Variants in MFSD6 observed in about 807,000 individuals in gnomAD.
The protein encoded by MFSD6 is major facilitator superfamily domain-containing protein 6.
Under a neutral mutation model 56.3 loss-of-function variants are expected in MFSD6, and 26 were observed. That is an observed-to-expected ratio of 0.46 (90% CI 0.34 to 0.64). MFSD6 has a LOEUF of 0.64. MFSD6 is among the 30% of genes least tolerant of loss of function. The pLI, the probability that MFSD6 is intolerant of heterozygous loss-of-function variation, is 0.01. For synonymous variants in MFSD6, 331 were observed against 366.9 expected (o/e 0.90, Z 1.12); for missense variants, 750 against 986.2 (o/e 0.76, Z 3.21).
chr2:190,439,826 C>G lies in MFSD6; in HGVS notation c.1532+2265C>G, dbSNP rs1312942102. 1.3e-5 allele frequency among the ~76,000 whole-genome samples: 2 copies of G among 152,146 alleles called. No individual in the cohort carries two copies. Among genetic ancestry groups the G allele is most frequent in the African/African-American group, 2.4e-5 (1 of 41,430 alleles). ...GTCCATTAAAATGTATTAATTATTT[C>G]AAGTGCTTTTAAAAGAGTCTGATAG... is the stretch of plus-strand genomic sequence containing the variant. On this transcript the variant is annotated intron_variant, in intron 3 of 7. Coordinates refer to ENST00000392328, the MANE Select transcript of MFSD6 (RefSeq NM_017694.4). The surrounding 1 kb of genome is among the most constrained non-coding windows in gnomAD (Gnocchi z 5.8).
intron 3 of MFSD6, among the ~76,000 whole-genome samples, chr2:190,450,042 AAAAG>A (rs774006578): frequency 3.9e-4 from 59 of 152,140 alleles, no homozygotes; most frequent in African/African-American, 6.3e-4. Flanking sequence ...AAAAAAAAGA[AAAAG>A]AAATCAAGAT....
intron 2 of MFSD6, among the ~76,000 whole-genome samples, chr2:190,430,596 T>C (rs1445136189): frequency 6.6e-6 from 1 of 152,132 alleles, no homozygotes; most frequent in Non-Finnish European, 1.5e-5. Flanking sequence ...AAGTCTCCCA[T>C]GTCTGCTTCT....
At chr2:190,408,707 C>T (rs1690416789) in intron 1 of MFSD6, among the ~76,000 whole-genome samples, 1 of 152,152 alleles carries the variant, frequency 6.6e-6, no homozygotes, top group Non-Finnish European at 1.5e-5. Context: ...CCCTCCCTCC[C>T]TCCCTCCCCC....
In MFSD6 at chr2:190,488,909, A is replaced by C; in HGVS notation, c.1792+91A>C. 8.2e-7 allele frequency: 1 copy of C among 1,221,026 alleles called. No homozygotes were observed. Among genetic ancestry groups the C allele is most frequent in the Non-Finnish European group, 1.1e-6 (1 of 897,850 alleles). 75.6% of individuals were successfully genotyped at this position (1,221,026 alleles called of 1,614,324 possible). On this transcript the variant is annotated intron_variant, in intron 5 of 7. Transcript: ENST00000392328. The surrounding 1 kb of genome is among the most constrained non-coding windows in gnomAD (Gnocchi z 6.4). Reference sequence around the variant, plus strand: ...TCAATAAACAATCCAATTATTACTGAAGATTGCCCAAAGCTAAATTCCAGT... The same window carrying C: ...TCAATAAACAATCCAATTATTACTGCAGATTGCCCAAAGCTAAATTCCAGT...
At position 190,501,610 on chromosome 2, in the gene MFSD6, A is replaced by T. The variant is rs556300275; in HGVS notation, c.*1392A>T. ...ACAGTCGAAATGAGCAACTCACCTT[A>T]CCCTCTGACCCTGATTAGACAGGAT... On this transcript the variant is annotated 3_prime_UTR_variant, in exon 8 of 8. Transcript: ENST00000392328. 6.6e-6 allele frequency: 1 copy of T among 152,536 alleles called. No individual in the cohort carries two copies. The highest frequency in any genetic ancestry group is 2.4e-5 in the African/African-American group (1 of 41,584). 9.4% of individuals were successfully genotyped at this position (152,536 alleles called of 1,614,324 possible). A position where few individuals can be genotyped will look rare whatever the true frequency, so the allele number is the denominator to read the frequency against.
At chr2:190,411,485 C>A (rs534785947) in intron 1 of MFSD6, 38 of 985,188 alleles carry the variant, frequency 3.9e-5, no homozygotes, top group Non-Finnish European at 4.6e-5. Context: ...GGAAGTGAGA[C>A]AAGATGGAGA....
chr2:190,499,764 A>G lies in MFSD6; in HGVS notation c.2173-251A>G. On this transcript the variant is annotated intron_variant, in intron 7 of 7. Coordinates refer to ENST00000392328, the MANE Select transcript of MFSD6 (RefSeq NM_017694.4). This position sits in a 1 kb window ranked among gnomAD's most constrained non-coding sequence, Gnocchi z 6.0. ...ACCAAGTACTAACAGACATTTTGGT[A>G]GTAATGTTCCTTTTTCCACAAGACA... The G allele has an allele frequency of 7.0e-7, 1 of 1,418,454 alleles. No individual in the cohort carries two copies. The allele number at this position is 1,418,454 out of a possible 1,614,324, so 87.9% of individuals were successfully genotyped here.
At chr2:190,407,934 C>T (rs1168079335), upstream of MFSD6, among the ~76,000 whole-genome samples, 1 of 152,218 alleles carries the variant, frequency 6.6e-6, no homozygotes, top group Admixed American at 6.5e-5. The surrounding 1 kb of genome is among the most constrained non-coding windows in gnomAD (Gnocchi z 5.4). Flanking sequence ...GGCCCGCACT[C>T]ATTGCCTGGG....
chr2:190,465,178 T>TA lies in MFSD6; in HGVS notation c.1533-4574dup, dbSNP rs926493819. Among the ~76,000 whole-genome samples, 2 of 152,206 alleles carry TA rather than the reference T, an allele frequency of 1.3e-5. No homozygotes were observed. Among genetic ancestry groups the TA allele is most frequent in the African/African-American group, 4.8e-5 (2 of 41,448 alleles). On this transcript the variant is annotated intron_variant, in intron 3 of 7. Transcript: ENST00000392328. This position sits in a 1 kb window ranked among gnomAD's most constrained non-coding sequence, Gnocchi z 4.6. The stretch of plus-strand genomic sequence containing the variant: ...TCTTGTAGTTTGCTCAAATACAGGA[T>TA]AAAAAACGAGTGGCAGGTGATTTGG...
intron 2 of MFSD6, among the ~76,000 whole-genome samples, chr2:190,428,317 C>T (rs1166892500): frequency 3.3e-5 from 5 of 152,144 alleles, no homozygotes; most frequent in Non-Finnish European, 5.9e-5. Flanking sequence ...AGATGTCTTT[C>T]GGTGAATATA....
Position 190,439,342 on chromosome 2 carries a change from C to T in MFSD6, c.1532+1781C>T, listed in dbSNP as rs1190518392. On this transcript the variant is annotated intron_variant, in intron 3 of 7. Coordinates refer to ENST00000392328, the MANE Select transcript of MFSD6 (RefSeq NM_017694.4). This position sits in a 1 kb window ranked among gnomAD's most constrained non-coding sequence, Gnocchi z 5.8. ...TCAGTACAGAGTATGTGTTTAGGTT[C>T]TATTTTCTTTTTTTTCACGTTTTAT... is the stretch of plus-strand genomic sequence containing the variant. Among the ~76,000 whole-genome samples the T allele has an allele frequency of 6.6e-6, 1 of 151,738 alleles. No homozygotes were observed. The highest frequency in any genetic ancestry group is 1.5e-5 in the Non-Finnish European group (1 of 67,972).
At chr2:190,422,392 T>C (rs907771148) in intron 2 of MFSD6, among the ~76,000 whole-genome samples, 2 of 152,152 alleles carry the variant, frequency 1.3e-5, no homozygotes, top group African/African-American at 2.4e-5. Context: ...ATTTCCTGTA[T>C]CCCTTGTCTG....
rs1353353388 is a variant in MFSD6, at chr2:190,425,902, C to T, written c.-53-10075C>T. Reference sequence around the variant, plus strand: ...AAAAAAATTGTGCCACTTCCAGTGTCCATGGTTTCTCAGAAATCTGCTATC... The same window carrying T: ...AAAAAAATTGTGCCACTTCCAGTGTTCATGGTTTCTCAGAAATCTGCTATC... On this transcript the variant is annotated intron_variant, in intron 2 of 7. Transcript: ENST00000392328. This position sits in a 1 kb window ranked among gnomAD's most constrained non-coding sequence, Gnocchi z 4.3. Among the ~76,000 whole-genome samples, 1 of 152,126 alleles carries T rather than the reference C, an allele frequency of 6.6e-6. No homozygotes were observed. Among genetic ancestry groups the T allele is most frequent in the Non-Finnish European group, 1.5e-5 (1 of 68,006 alleles).
chr2:190,413,129 A>G lies in MFSD6; in HGVS notation c.-175-2163A>G, dbSNP rs1461307167. On this transcript the variant is annotated intron_variant, in intron 1 of 7. Transcript: ENST00000392328. The surrounding 1 kb of genome is among the most constrained non-coding windows in gnomAD (Gnocchi z 4.1). The stretch of plus-strand genomic sequence containing the variant: ...CAGCACCAACAAAAACTACATCCCA[A>G]TGTTGTATGTATTCAAAGTAGCCTC... Among the ~76,000 whole-genome samples, 1 of 152,128 alleles carries G rather than the reference A, an allele frequency of 6.6e-6. No homozygotes were observed. Among genetic ancestry groups the G allele is most frequent in the Non-Finnish European group, 1.5e-5 (1 of 68,028 alleles).
intron 3 of MFSD6, chr2:190,443,000 CT>C (rs1334173235): frequency 6.6e-6 from 1 of 152,146 alleles, no homozygotes; most frequent in African/African-American, 2.4e-5. Context: ...TGCTTTATTG[CT>C]TAAAGTAAGT....
chr2:190,409,631 G>A (rs930793142), intron 1 of MFSD6, among the ~76,000 whole-genome samples: 1 of 152,192 alleles, frequency 6.6e-6, no homozygotes, highest in African/African-American at 2.4e-5. Context: ...ATAGATGAAT[G>A]TGAAGGGTGG....
At chr2:190,464,574 A>G (rs943474404) in intron 3 of MFSD6, among the ~76,000 whole-genome samples, 6 of 152,072 alleles carry the variant, frequency 3.9e-5, no homozygotes, top group Admixed American at 6.6e-5. Flanking sequence ...TTGAGATTCT[A>G]TGGTGAACCC....
rs1690796345 is a variant in MFSD6 at position 190,416,849 on chromosome 2, G to A, written c.-54+1436G>A. 6.6e-6 allele frequency among the ~76,000 whole-genome samples: 1 copy of A among 152,124 alleles called. No individual in the cohort carries two copies. The highest frequency in any genetic ancestry group is 2.1e-4 in the South Asian group (1 of 4,826). The stretch of plus-strand genomic sequence containing the variant: ...CTTAAAGAGGCACTGATTTATCAAA[G>A]CCAGGGGGATGCAACTGGGACTTCT... On this transcript the variant is annotated intron_variant, in intron 2 of 7. Transcript: ENST00000392328. This position sits in a 1 kb window ranked among gnomAD's most constrained non-coding sequence, Gnocchi z 4.1.
chr2:190,459,749 A>C lies in MFSD6; in HGVS notation c.1533-10009A>C, dbSNP rs1687226115. ...TAGTTACACTCTTAGCTTATCAGTC[A>C]TTTTAGAGGGAAGAATCTGAACACA... On this transcript the variant is annotated intron_variant, in intron 3 of 7. Transcript: ENST00000392328. The surrounding 1 kb of genome is among the most constrained non-coding windows in gnomAD (Gnocchi z 5.3). 6.6e-6 allele frequency among the ~76,000 whole-genome samples: 1 copy of C among 152,256 alleles called. No homozygotes were observed. Among genetic ancestry groups the C allele is most frequent in the African/African-American group, 2.4e-5 (1 of 41,464 alleles).
Sources: gnomAD v4.1 joint callset for allele counts (sites outside exome capture counted in the v4.1 genomes callset) on GRCh38, gnomAD v4.1.1 for gene constraint, Gnocchi (gnomAD v3.1) non-coding constraint, MANE v1.5 for transcripts, NCBI Gene and HGNC (gene_info 2026-07-23, HGNC 2026-07-21) for gene names.